NUDCD2: variants seen among roughly 807,000 people sequenced by gnomAD.
The protein encoded by NUDCD2 is nudC domain-containing protein 2.
NUDCD2 carries 16 observed loss-of-function variants against 20.8 expected under a neutral mutation model. The ratio of observed to expected loss-of-function variants is 0.77; its 90% CI spans 0.52 to 1.17. The LOEUF (loss-of-function observed/expected upper bound fraction) is 1.17, where lower values mean the gene tolerates loss of function less well. NUDCD2 is among the 50% of genes most tolerant of loss of function. The pLI, the probability that NUDCD2 is intolerant of heterozygous loss-of-function variation, is 0.00. For missense variants in NUDCD2, 199 were observed against 193.9 expected, an observed-to-expected ratio of 1.03 and a Z score of -0.16; for synonymous variants, 87 against 72.8, an observed-to-expected ratio of 1.20 and a Z score of -1.00.
chr5:163,454,093 G>A (rs752927371), intron 3 of NUDCD2, 43 bp from the exon 4 acceptor site: 1 of 1,056,290 alleles, frequency 9.5e-7, no homozygotes, highest in South Asian at 2.2e-5. Context: ...AAACTTATAA[G>A]GAAAAATACA....
At chr5:163,457,720 T>C in intron 1 of NUDCD2, 110 bp from the exon 2 acceptor site, 1 of 714,048 alleles carries the variant, frequency 1.4e-6, no homozygotes. Context: ...ATACCACCAC[T>C]TCACCATGAC....
chr5:163,457,120 T>C (rs372905503), intron 2 of NUDCD2, 40 bp from the exon 3 acceptor site: 76 of 1,530,174 alleles, frequency 5.0e-5, no homozygotes, highest in Non-Finnish European at 6.3e-5. Flanking sequence ...ACAAATAAAT[T>C]AGAGTTCTTC....
Position 163,459,988 on chromosome 5 carries a change from C to A in NUDCD2, c.63G>T (p.Trp21Cys). The change falls in exon 1 of 4, where the codon TGG becomes TGT. Residue 21 changes from tryptophan to cysteine, a missense_variant. Physicochemically the swap from Trp to Cys is radical, Grantham distance 215. Coordinates refer to ENST00000302764, the MANE Select transcript of NUDCD2 (RefSeq NM_145266.6). ...TGAACACCTCCTCCAAGGTCTGGTA[C>A]CACTGGCCCCACGGGGTCCCGCACG... Reference protein sequence around the residue: ...VVPCGTPWGQWYQTLEEVFIE... With the variant: ...VVPCGTPWGQCYQTLEEVFIE... 1 of 1,613,458 alleles carries A rather than the reference C, an allele frequency of 6.2e-7. No homozygotes were observed. Among genetic ancestry groups the A allele is most frequent in the Non-Finnish European group, 8.5e-7 (1 of 1,179,782 alleles).
rs1230528853 is a variant in NUDCD2, at chr5:163,453,295, A to T, written c.*672T>A. The T allele has an allele frequency of 6.6e-6, 1 of 152,226 alleles. No individual in the cohort carries two copies. Among genetic ancestry groups the T allele is most frequent in the East Asian group, 1.9e-4 (1 of 5,200 alleles). The allele number at this position is 152,226 out of a possible 1,614,324, so 9.4% of individuals were successfully genotyped here. On this transcript the variant is annotated 3_prime_UTR_variant, in exon 4 of 4. Coordinates refer to ENST00000302764, the MANE Select transcript of NUDCD2 (RefSeq NM_145266.6). ...TTACAATCAAAATGATGCCACTGATATACAATTAGTGACCTTACTTTGCTT... is the reference window on the plus strand; with the variant it reads ...TTACAATCAAAATGATGCCACTGATTTACAATTAGTGACCTTACTTTGCTT...
chr5:163,449,221 T>C lies in NUDCD2; in HGVS notation c.*4746A>G, dbSNP rs142785830. On this transcript the variant is annotated 3_prime_UTR_variant, in exon 4 of 4. Coordinates refer to ENST00000302764, the MANE Select transcript of NUDCD2 (RefSeq NM_145266.6). ...GACTAAAAAGAATAAAATAAAACTG[T>C]TTCTATTCGTAGTTTATGTAGAAAA... The C allele has an allele frequency of 1.1e-4, 17 of 152,122 alleles. No individual in the cohort carries two copies. The East Asian group carries it at 3.1e-3, about 28-fold the overall frequency. 9.4% of individuals were successfully genotyped at this position (152,122 alleles called of 1,614,324 possible).
chr5:163,454,009 G>C lies in NUDCD2; in HGVS notation c.432C>G (p.Asn144Lys). 6.4e-7 allele frequency: 1 copy of C among 1,561,704 alleles called. No homozygotes were observed. The highest frequency in any genetic ancestry group is 1.4e-5 in the African/African-American group (1 of 73,410). ...AGAAATCTGGTCCACCTTTAGTGTAGTTTCCTGAGATTTCTGCTCCACTGA... is the reference window on the plus strand; with the variant it reads ...AGAAATCTGGTCCACCTTTAGTGTACTTTCCTGAGATTTCTGCTCCACTGA... ...FDFSGAEISG[N>K]YTKGGPDFSN... The change falls in exon 4 of 4, where the codon AAC (asparagine) becomes AAG (lysine). Residue 144 changes from asparagine to lysine, a missense_variant. Asn to Lys is a moderately conservative substitution (Grantham distance 94). Coordinates refer to ENST00000302764, the MANE Select transcript of NUDCD2 (RefSeq NM_145266.6).
Position 163,450,734 on chromosome 5 carries a change from G to GC in NUDCD2, c.*3232dup, listed in dbSNP as rs1299787118. 1.3e-5 allele frequency: 2 copies of GC among 152,184 alleles called. No individual in the cohort carries two copies. The highest frequency in any genetic ancestry group is 4.8e-5 in the African/African-American group (2 of 41,448). The allele number at this position is 152,184 out of a possible 1,614,324, so 9.4% of individuals were successfully genotyped here. ...GCTGGTGGGAAAGTAAAAAGATGTA[G>GC]CTGCTTTGGGAAACAATGACAGCTC... On this transcript the variant is annotated 3_prime_UTR_variant, in exon 4 of 4. Coordinates refer to ENST00000302764, the MANE Select transcript of NUDCD2 (RefSeq NM_145266.6).
At chr5:163,456,845 G>T in intron 3 of NUDCD2, 84 bp downstream of exon 3, 1 of 985,966 alleles carries the variant, frequency 1.0e-6, no homozygotes, top group South Asian at 3.1e-5. Flanking sequence ...TTTTCATAAT[G>T]ACATTTGAGT....
Position 163,453,417 on chromosome 5 carries a change from G to A in NUDCD2, c.*550C>T, listed in dbSNP as rs914674778. The A allele has an allele frequency of 2.6e-5, 4 of 152,278 alleles. No individual in the cohort carries two copies. The highest frequency in any genetic ancestry group is 4.8e-5 in the African/African-American group (2 of 41,410). 9.4% of individuals were successfully genotyped at this position (152,278 alleles called of 1,614,324 possible). ...GGTTTTAACTATTTTTAAACTTCTT[G>A]ACATAAAGTAATCCCTCAAGTAATA... On this transcript the variant is annotated 3_prime_UTR_variant, in exon 4 of 4. Coordinates refer to ENST00000302764, the MANE Select transcript of NUDCD2 (RefSeq NM_145266.6).
Position 163,453,021 on chromosome 5 carries a change from A to C in NUDCD2, c.*946T>G, listed in dbSNP as rs993668552. The C allele has an allele frequency of 1.3e-5, 2 of 152,178 alleles. No individual in the cohort carries two copies. Among genetic ancestry groups the C allele is most frequent in the African/African-American group, 4.8e-5 (2 of 41,434 alleles). The allele number at this position is 152,178 out of a possible 1,614,324, so 9.4% of individuals were successfully genotyped here. A position where few individuals can be genotyped will look rare whatever the true frequency, so the allele number is the denominator to read the frequency against. On this transcript the variant is annotated 3_prime_UTR_variant, in exon 4 of 4. Coordinates refer to ENST00000302764, the MANE Select transcript of NUDCD2 (RefSeq NM_145266.6). ...TAGAGGGTAGTAATGTGTCAACGTA[A>C]ATTTCCTGATTCTAATGGTTGCATT...
chr5:163,456,884 T>C (rs749716070), intron 3 of NUDCD2, 45 bp downstream of exon 3: 1 of 1,209,074 alleles, frequency 8.3e-7, no homozygotes, highest in South Asian at 2.2e-5. Flanking sequence ...TTTGATGATT[T>C]TTATATATTT....
intron 1 of NUDCD2, 118 bp downstream of exon 1, chr5:163,459,744 C>T (rs1371109903): frequency 3.5e-6 from 3 of 865,724 alleles, no homozygotes; most frequent in Middle Eastern, 3.6e-4. Flanking sequence ...TCAGTGTTAT[C>T]CTCTTTCTCT....
At position 163,457,299 on chromosome 5, in the gene NUDCD2, C is replaced by G. The variant is rs541754793; in HGVS notation, c.239-219G>C. ...GGCATGCGCCACCATGCCCGGCTAA[C>G]TTTTGTATTTTTAGTATAAACGGGG... is the stretch of plus-strand genomic sequence containing the variant. On this transcript the variant is annotated intron_variant, in intron 2 of 3. Coordinates refer to ENST00000302764, the MANE Select transcript of NUDCD2 (RefSeq NM_145266.6). Among the ~76,000 whole-genome samples, 12 of 152,162 alleles carry G rather than the reference C, an allele frequency of 7.9e-5. No homozygotes were observed. The South Asian group carries it at 2.3e-3, about 29-fold the overall frequency.
At position 163,457,598 on chromosome 5, in the gene NUDCD2, CAA is replaced by C. The variant is rs771992268; in HGVS notation, c.200_201del (p.Phe67Ter). The C allele has an allele frequency of 9.5e-6, 15 of 1,583,656 alleles. No homozygotes were observed. Among genetic ancestry groups the C allele is most frequent in the Admixed American group, 1.7e-5 (1 of 59,876 alleles). On this transcript the variant is annotated frameshift_variant, in exon 2 of 4. Transcript: ENST00000302764. LOFTEE classifies it high-confidence loss of function. ...GTTCCCTCATCAGCTATTGTAGAAT[CAA>C]AGAGTTTGCCCTGAAAAATAAACAT... The part of the protein sequence containing the change: ...GGREILKGKL[F>X]DSTIADEGTW...
rs1758093614 is a variant in NUDCD2 at position 163,448,310 on chromosome 5, AT to A, written c.*5656del. 1 of 152,154 alleles carries A rather than the reference AT, an allele frequency of 6.6e-6. No individual in the cohort carries two copies. The highest frequency in any genetic ancestry group is 1.5e-5 in the Non-Finnish European group (1 of 68,026). The allele number at this position is 152,154 out of a possible 1,614,324, so 9.4% of individuals were successfully genotyped here. ...GTAAAATTGATAAACCTCTGGCAAAATTGACAAAAAAAGAGAAGGAATTCCA... is the reference window on the plus strand; with the variant it reads ...GTAAAATTGATAAACCTCTGGCAAAATGACAAAAAAAGAGAAGGAATTCCA... On this transcript the variant is annotated 3_prime_UTR_variant, in exon 4 of 4. Coordinates refer to ENST00000302764, the MANE Select transcript of NUDCD2 (RefSeq NM_145266.6).
Position 163,451,474 on chromosome 5 carries a change from A to G in NUDCD2, c.*2493T>C, listed in dbSNP as rs1463696970. 2 of 152,234 alleles carry G rather than the reference A, an allele frequency of 1.3e-5. No homozygotes were observed. The highest frequency in any genetic ancestry group is 2.9e-5 in the Non-Finnish European group (2 of 68,052). 9.4% of individuals were successfully genotyped at this position (152,234 alleles called of 1,614,324 possible). ...ACTCTGACTGTGGAGGTGTTTACAC[A>G]TATCTATACTTAAAATTCACCAAAC... On this transcript the variant is annotated 3_prime_UTR_variant, in exon 4 of 4. Transcript: ENST00000302764.
intron 1 of NUDCD2, 87 bp downstream of exon 1, chr5:163,459,775 G>T: frequency 8.1e-7 from 1 of 1,234,134 alleles, no homozygotes; most frequent in Non-Finnish European, 1.1e-6. Flanking sequence ...CACAGGAGCC[G>T]TCGGGACACC....
chr5:163,457,846 G>T (rs1758362459), intron 1 of NUDCD2, among the ~76,000 whole-genome samples: 1 of 151,946 alleles, frequency 6.6e-6, no homozygotes, highest in South Asian at 2.1e-4. Context: ...AAAGATCAGG[G>T]CTCCTTAATT....
At chr5:163,455,924 T>G (rs1234045536) in intron 3 of NUDCD2, among the ~76,000 whole-genome samples, 1 of 152,130 alleles carries the variant, frequency 6.6e-6, no homozygotes, top group Non-Finnish European at 1.5e-5. Flanking sequence ...GAAGGTAGCA[T>G]CAGTAAGATT....
Sources: gnomAD v4.1 joint callset for allele counts (sites outside exome capture counted in the v4.1 genomes callset) on GRCh38, gnomAD v4.1.1 for gene constraint, MANE v1.5 for transcripts, NCBI Gene and HGNC (gene_info 2026-07-23, HGNC 2026-07-21) for gene names.